Variants in IPCEF1 observed in about 807,000 individuals in gnomAD.
IPCEF1 encodes the protein interaction protein for cytohesin exchange factors 1.
In IPCEF1, 31 loss-of-function variants were observed where a neutral mutation model predicts 50.9. The observed-to-expected ratio is 0.61, with a 90% CI of 0.46 to 0.82. The LOEUF is 0.82. Among genes scored for constraint, IPCEF1 ranks in the 40% least tolerant of loss-of-function variants. The pLI is 0.00. For missense variants in IPCEF1, 458 were observed against 514.0 expected (o/e 0.89, Z 1.05); for synonymous variants, 181 against 192.0 (o/e 0.94, Z 0.47).
chr6:154,194,037 C>T (rs1020713485), intron 10 of IPCEF1, among the ~76,000 whole-genome samples: 1 of 152,220 alleles, frequency 6.6e-6, no homozygotes, highest in Non-Finnish European at 1.5e-5. Flanking sequence ...TGACCATGAG[C>T]AGTGGTACAC....
At chr6:154,333,947 A>C (rs1783733640) in intron 1 of IPCEF1, among the ~76,000 whole-genome samples, 1 of 152,192 alleles carries the variant, frequency 6.6e-6, no homozygotes, top group African/African-American at 2.4e-5. Flanking sequence ...AAATAAATAA[A>C]GTATATCCAC....
chr6:154,351,919 G>A (rs778199668), intron 1 of IPCEF1, among the ~76,000 whole-genome samples: 1 of 152,188 alleles, frequency 6.6e-6, no homozygotes, highest in Non-Finnish European at 1.5e-5. Context: ...ACTTACAAGT[G>A]GGAGCTGAAC....
chr6:154,296,795 C>G (rs1189900089), intron 1 of IPCEF1, among the ~76,000 whole-genome samples: 1 of 149,312 alleles, frequency 6.7e-6, no homozygotes, highest in Non-Finnish European at 1.5e-5. Flanking sequence ...CCCCACTGCA[C>G]TCCAGCCTGG....
At chr6:154,216,496 T>C (rs760637900) in intron 7 of IPCEF1, among the ~76,000 whole-genome samples, 3 of 152,226 alleles carry the variant, frequency 2.0e-5, no homozygotes, top group Non-Finnish European at 4.4e-5. Flanking sequence ...CCTGATCCAC[T>C]GTACTTCAAA....
At position 154,159,143 on chromosome 6, in the gene IPCEF1, T is replaced by C. The variant is rs1233665587; in HGVS notation, c.*685A>G. ...GATGAGATGTTTTCTCTAGCTGTTG[T>C]AAGGAAAGGAAACATTAATCAGATC... On this transcript the variant is annotated 3_prime_UTR_variant, in exon 12 of 12. Coordinates refer to ENST00000367220, the MANE Select transcript of IPCEF1 (RefSeq NM_001130700.2). 1 of 152,254 alleles carries C rather than the reference T, an allele frequency of 6.6e-6. No individual in the cohort carries two copies. The highest frequency in any genetic ancestry group is 1.5e-5 in the Non-Finnish European group (1 of 68,080). The allele number at this position is 152,254 out of a possible 1,614,324, so 9.4% of individuals were successfully genotyped here.
intron 2 of IPCEF1, among the ~76,000 whole-genome samples, chr6:154,277,506 A>G (rs766604151): frequency 5.3e-5 from 8 of 152,120 alleles, no homozygotes; most frequent in Non-Finnish European, 1.2e-4. Context: ...AAATCGTCCA[A>G]CTCCCTAATT....
chr6:154,173,206 T>C (rs892104970), intron 10 of IPCEF1, among the ~76,000 whole-genome samples: 1 of 152,016 alleles, frequency 6.6e-6, no homozygotes, highest in Non-Finnish European at 1.5e-5. Flanking sequence ...ACCTCAAAAA[T>C]GGGGAGAAAC....
At chr6:154,249,589 A>G (rs1006328010) in intron 3 of IPCEF1, among the ~76,000 whole-genome samples, 20 of 152,154 alleles carry the variant, frequency 1.3e-4, no homozygotes, top group African/African-American at 4.6e-4. Context: ...TCAAACAAGA[A>G]GAGCAGCCTT....
At position 154,176,937 on chromosome 6, in the gene IPCEF1, C is replaced by T. The variant is rs144533144; in HGVS notation, c.911-8824G>A. 3.5e-3 allele frequency among the ~76,000 whole-genome samples: 536 copies of T among 152,222 alleles called. 3 individuals are homozygous for T. Among genetic ancestry groups the T allele is most frequent in the African/African-American group, 0.012 (512 of 41,494 alleles). ...AAACAGCATGACACTGGTACTAAAA[C>T]AGAGATATAGACCAATGGAACAGAA... On this transcript the variant is annotated intron_variant, in intron 10 of 11. Coordinates refer to ENST00000367220, the MANE Select transcript of IPCEF1 (RefSeq NM_001130700.2).
intron 5 of IPCEF1, among the ~76,000 whole-genome samples, chr6:154,236,507 T>C (rs543406706): frequency 1.6e-4 from 24 of 152,294 alleles, no homozygotes; most frequent in African/African-American, 4.8e-4. Flanking sequence ...AATTAAGCAA[T>C]GCCACTCAAC....
intron 1 of IPCEF1, among the ~76,000 whole-genome samples, chr6:154,296,403 C>T (rs1298808666): frequency 1.3e-5 from 2 of 152,184 alleles, no homozygotes; most frequent in Admixed American, 6.5e-5. Flanking sequence ...CCTGTTTAGC[C>T]CACCCTCAAC....
At position 154,190,592 on chromosome 6, in the gene IPCEF1, C is replaced by T. The variant is rs114245004; in HGVS notation, c.910+9076G>A. Among the ~76,000 whole-genome samples the T allele has an allele frequency of 2.7e-3, 409 of 152,316 alleles. 2 individuals carry two copies. Among genetic ancestry groups the T allele is most frequent in the African/African-American group, 8.2e-3 (339 of 41,554 alleles). ...AAAATGGTACAGCCACTTTGCAAGA[C>T]AGTTTGGCATCTCTTATACAGTTAA... On this transcript the variant is annotated intron_variant, in intron 10 of 11. Coordinates refer to ENST00000367220, the MANE Select transcript of IPCEF1 (RefSeq NM_001130700.2).
At chr6:154,337,482 T>G (rs765776333) in intron 1 of IPCEF1, among the ~76,000 whole-genome samples, 3 of 152,204 alleles carry the variant, frequency 2.0e-5, no homozygotes, top group Non-Finnish European at 4.4e-5. Flanking sequence ...GACATTCAGA[T>G]AAGCAAAAGA....
intron 5 of IPCEF1, among the ~76,000 whole-genome samples, chr6:154,245,294 A>G (rs1335441661): frequency 6.6e-6 from 1 of 152,220 alleles, no homozygotes; most frequent in Non-Finnish European, 1.5e-5. Context: ...TTGGAAAAAA[A>G]AAATGTATTT....
At chr6:154,355,099 GCTCA>G (rs1215150561) in intron 1 of IPCEF1, among the ~76,000 whole-genome samples, 1 of 151,650 alleles carries the variant, frequency 6.6e-6, no homozygotes, top group African/African-American at 2.4e-5. Flanking sequence ...GCAATTATCA[GCTCA>G]CACTGCAGAG....
At chr6:154,346,151 T>C (rs942582350) in intron 1 of IPCEF1, among the ~76,000 whole-genome samples, 1 of 152,184 alleles carries the variant, frequency 6.6e-6, no homozygotes, top group African/African-American at 2.4e-5. Flanking sequence ...ATTACAGCTG[T>C]GAGCCACTGC....
chr6:154,205,160 T>C (rs559228513), intron 9 of IPCEF1, among the ~76,000 whole-genome samples: 1 of 152,324 alleles, frequency 6.6e-6, no homozygotes, highest in South Asian at 2.1e-4. Flanking sequence ...CTTCAGAGCA[T>C]TTGTCAGTCC....
At chr6:154,193,728 G>A (rs534747751) in intron 10 of IPCEF1, among the ~76,000 whole-genome samples, 25 of 152,280 alleles carry the variant, frequency 1.6e-4, no homozygotes, top group East Asian at 1.4e-3. Flanking sequence ...CAAACACTTC[G>A]GCCTTGCTGC....
intron 5 of IPCEF1, among the ~76,000 whole-genome samples, chr6:154,246,047 A>C (rs1226989312): frequency 6.6e-6 from 1 of 152,180 alleles, no homozygotes; most frequent in Non-Finnish European, 1.5e-5. Context: ...AAGAGGTGAC[A>C]GTCGCCAATG....
Sources: allele counts gnomAD v4.1 joint callset (sites outside exome capture counted in the v4.1 genomes callset), GRCh38; gene constraint gnomAD v4.1.1; transcripts MANE v1.5; gene names NCBI Gene and HGNC (gene_info 2026-07-23, HGNC 2026-07-21).